SEMA5A: variants seen among roughly 807,000 people sequenced by gnomAD.
SEMA5A encodes semaphorin-5A.
A neutral mutation model predicts 135.5 loss-of-function variants in SEMA5A; 55 were observed. The observed-to-expected ratio is 0.41, with a 90% CI of 0.33 to 0.51. The LOEUF (loss-of-function observed/expected upper bound fraction) is 0.51. Among genes scored for constraint, SEMA5A ranks in the 20% least tolerant of loss-of-function variants. The pLI, the probability that SEMA5A is intolerant of heterozygous loss-of-function variation, is 0.37. For missense variants in SEMA5A, 1,290 were observed against 1,419.9 expected (o/e 0.91, Z 1.47); for synonymous variants, 580 against 546.5 (o/e 1.06, Z -0.85).
chr5:9,154,401 C>A, intron 12 of SEMA5A, 87 bp downstream of exon 12: 8 of 1,284,632 alleles, frequency 6.2e-6, no homozygotes, highest in African/African-American at 1.5e-5. Flanking sequence ...GGCCATTCAA[C>A]TTCAGGGCAT....
At chr5:9,403,342 C>T (rs1411919553) in intron 2 of SEMA5A, among the ~76,000 whole-genome samples, 1 of 152,142 alleles carries the variant, frequency 6.6e-6, no homozygotes, top group Non-Finnish European at 1.5e-5. Flanking sequence ...AGGTCTGAAA[C>T]ATTGCAGAGA....
At position 9,102,409 on chromosome 5, in the gene SEMA5A, A is replaced by C. The variant is rs189596289; in HGVS notation, c.2073+5731T>G. 2.4e-3 allele frequency among the ~76,000 whole-genome samples: 366 copies of C among 152,312 alleles called. 1 individual carries two copies. Among genetic ancestry groups the C allele is most frequent in the Non-Finnish European group, 2.1e-3 (143 of 68,020 alleles). Reference sequence around the variant, plus strand: ...TAAAACCCACAGGAATACATTGTCCATGGAACACGAAGATGCTGCTCACCT... The same window carrying C: ...TAAAACCCACAGGAATACATTGTCCCTGGAACACGAAGATGCTGCTCACCT... On this transcript the variant is annotated intron_variant, in intron 16 of 22. Coordinates refer to ENST00000382496, the MANE Select transcript of SEMA5A (RefSeq NM_003966.3).
At chr5:9,494,422 C>T (rs1579632022) in intron 1 of SEMA5A, among the ~76,000 whole-genome samples, 1 of 152,138 alleles carries the variant, frequency 6.6e-6, no homozygotes, top group Non-Finnish European at 1.5e-5. Flanking sequence ...ACAAATGAGA[C>T]CTTAATCAGA....
intron 2 of SEMA5A, among the ~76,000 whole-genome samples, chr5:9,400,424 G>A (rs1410707027): frequency 6.7e-6 from 1 of 149,554 alleles, no homozygotes; most frequent in Admixed American, 6.7e-5. Flanking sequence ...GATCAATTTA[G>A]ACAAATTAAA....
chr5:9,162,430 GTA>G (rs1172380682), intron 11 of SEMA5A, among the ~76,000 whole-genome samples: 21 of 147,402 alleles, frequency 1.4e-4, no homozygotes, highest in African/African-American at 5.0e-4. Context: ...GTATATATAT[GTA>G]TATATATGTG....
At position 9,232,116 on chromosome 5, in the gene SEMA5A, C is replaced by T. The variant is rs533940521; in HGVS notation, c.334-5149G>A. Reference sequence around the variant, plus strand: ...TCTCAAGGACACAAGGCCCCAGCCCCAGCAGAGAAAACATGTTTTAGGGCT... The same window carrying T: ...TCTCAAGGACACAAGGCCCCAGCCCTAGCAGAGAAAACATGTTTTAGGGCT... On this transcript the variant is annotated intron_variant, in intron 6 of 22. Coordinates refer to ENST00000382496, the MANE Select transcript of SEMA5A (RefSeq NM_003966.3). Among the ~76,000 whole-genome samples the T allele has an allele frequency of 1.6e-4, 25 of 152,290 alleles. No individual in the cohort carries two copies. In the South Asian group the frequency reaches 5.2e-3, roughly 32 times the overall value.
chr5:9,110,234 C>G (rs1219050164), intron 15 of SEMA5A, among the ~76,000 whole-genome samples: 1 of 152,214 alleles, frequency 6.6e-6, no homozygotes, highest in South Asian at 2.1e-4. Context: ...TTCCACAGAG[C>G]TCCAGAGACA....
intron 1 of SEMA5A, among the ~76,000 whole-genome samples, chr5:9,477,064 C>T (rs1208216648): frequency 1.3e-5 from 2 of 152,110 alleles, no homozygotes; most frequent in Non-Finnish European, 2.9e-5. Context: ...TTTCCCCATG[C>T]TGTTCTCATG....
chr5:9,157,206 C>T (rs1442064057), intron 11 of SEMA5A, among the ~76,000 whole-genome samples: 1 of 152,232 alleles, frequency 6.6e-6, no homozygotes, highest in Non-Finnish European at 1.5e-5. Context: ...TGAAGCTCTT[C>T]CTTCCCCTGC....
chr5:9,524,758 T>C (rs778033073), intron 1 of SEMA5A, among the ~76,000 whole-genome samples: 6 of 152,208 alleles, frequency 3.9e-5, no homozygotes, highest in Admixed American at 6.5e-5. Context: ...CCATTATTAA[T>C]GCAAAATAAA....
chr5:9,429,848 G>A (rs1484800493), intron 2 of SEMA5A, among the ~76,000 whole-genome samples: 2 of 152,218 alleles, frequency 1.3e-5, no homozygotes, highest in Admixed American at 6.5e-5. Flanking sequence ...GAAGGGACAC[G>A]TGGTGCCTGG....
chr5:9,244,718 C>A (rs756924540), intron 5 of SEMA5A, among the ~76,000 whole-genome samples: 5 of 152,186 alleles, frequency 3.3e-5, no homozygotes, highest in Non-Finnish European at 7.3e-5. Flanking sequence ...GAATGCCCTG[C>A]ACCCATGCCC....
At chr5:9,378,860 G>T (rs994656243) in intron 3 of SEMA5A, among the ~76,000 whole-genome samples, 1 of 152,074 alleles carries the variant, frequency 6.6e-6, no homozygotes, top group Non-Finnish European at 1.5e-5. Context: ...TTGTTTGTTT[G>T]CTGTGATAAT....
chr5:9,050,706 C>T (rs1736523945), intron 20 of SEMA5A, among the ~76,000 whole-genome samples: 1 of 152,224 alleles, frequency 6.6e-6, no homozygotes, highest in Non-Finnish European at 1.5e-5. Context: ...ATGCTATGGT[C>T]TCTCAGGCTG....
intron 1 of SEMA5A, among the ~76,000 whole-genome samples, chr5:9,438,827 C>T (rs1758127872): frequency 6.6e-6 from 1 of 152,348 alleles, no homozygotes; most frequent in South Asian, 2.1e-4. Flanking sequence ...CCCACACGGT[C>T]AGCTTCAGTC....
chr5:9,212,500 T>G (rs569647146), intron 8 of SEMA5A, among the ~76,000 whole-genome samples: 1 of 152,174 alleles, frequency 6.6e-6, no homozygotes, highest in African/African-American at 2.4e-5. Context: ...TGTCATCCAA[T>G]TGATTGTACT....
intron 2 of SEMA5A, among the ~76,000 whole-genome samples, chr5:9,412,432 G>A (rs774306620): frequency 1.3e-5 from 2 of 150,824 alleles, no homozygotes; most frequent in African/African-American, 4.9e-5. Flanking sequence ...CTCAGATCAG[G>A]ACTGTATATA....
chr5:9,506,796 A>G (rs1035682361), intron 1 of SEMA5A, among the ~76,000 whole-genome samples: 2 of 152,170 alleles, frequency 1.3e-5, no homozygotes, highest in Non-Finnish European at 2.9e-5. Flanking sequence ...ACCAATTCCC[A>G]TGGGTTCACT....
chr5:9,320,177 T>C (rs370955809), intron 4 of SEMA5A, among the ~76,000 whole-genome samples: 2 of 151,912 alleles, frequency 1.3e-5, no homozygotes, highest in East Asian at 2.0e-4. Context: ...ATAGTCTCCT[T>C]ACCACACTCT....
Sources: allele counts gnomAD v4.1 joint callset (sites outside exome capture counted in the v4.1 genomes callset), GRCh38; gene constraint gnomAD v4.1.1; transcripts MANE v1.5; gene names NCBI Gene and HGNC (gene_info 2026-07-23, HGNC 2026-07-21).